Variants in ESR1 observed in about 807,000 individuals in gnomAD.
The protein encoded by ESR1 is estrogen receptor.
A neutral mutation model predicts 52.7 loss-of-function variants in ESR1; 12 were observed. That is an observed-to-expected ratio of 0.23 (90% CI 0.15 to 0.37). The LOEUF (loss-of-function observed/expected upper bound fraction) is 0.37. Ranked by LOEUF, ESR1 falls within the 10% of genes least tolerant of loss-of-function variation. The pLI, the probability that ESR1 is intolerant of heterozygous loss-of-function variation, is 1.00. For synonymous variants in ESR1, 305 were observed against 316.8 expected, an observed-to-expected ratio of 0.96 and a Z score of 0.39; for missense variants, 584 against 779.7, an observed-to-expected ratio of 0.75 and a Z score of 2.99.
intron 1 of ESR1, among the ~76,000 whole-genome samples, chr6:151,838,028 C>G (rs964471492): frequency 2.6e-5 from 4 of 152,088 alleles, no homozygotes; most frequent in African/African-American, 7.2e-5. Context: ...TAGACAGGCT[C>G]TCACTCTGTC....
Position 151,859,136 on chromosome 6 carries a change from AT to A in ESR1, c.643+16356del, listed in dbSNP as rs372347822. ...TTTTCCTTTTTCCTTTCTTTCCCTT[AT>A]TTTTTTCATGTCTTGTATGCAAGAT... On this transcript the variant is annotated intron_variant, in intron 2 of 7. Transcript: ENST00000206249. Among the ~76,000 whole-genome samples, 3 of 151,966 alleles carry A rather than the reference AT, an allele frequency of 2.0e-5. No individual in the cohort carries two copies. The East Asian group carries it at 5.8e-4, about 29-fold the overall frequency.
intron 5 of ESR1, among the ~76,000 whole-genome samples, chr6:152,027,030 G>A (rs1411955153): frequency 6.6e-6 from 1 of 151,000 alleles, no homozygotes; most frequent in Non-Finnish European, 1.5e-5. Context: ...GCAATGGCAC[G>A]ATCTCGGCTC....
At chr6:151,878,641 T>G (rs1002942446) in intron 2 of ESR1, among the ~76,000 whole-genome samples, 1 of 152,068 alleles carries the variant, frequency 6.6e-6, no homozygotes, top group African/African-American at 2.4e-5. Flanking sequence ...TGGAAAAAAA[T>G]AGAGACTTAA....
chr6:151,797,996 T>C (rs374417528), intron 2 of ESR1, among the ~76,000 whole-genome samples: 19 of 152,296 alleles, frequency 1.2e-4, no homozygotes, highest in African/African-American at 3.8e-4. Flanking sequence ...AATTAAGACC[T>C]TGAGCAAACT....
At chr6:151,782,837 A>G (rs980970560) in intron 2 of ESR1, among the ~76,000 whole-genome samples, 1 of 152,118 alleles carries the variant, frequency 6.6e-6, no homozygotes, top group Non-Finnish European at 1.5e-5. Flanking sequence ...TACACCTTCC[A>G]TTCCTCCGCC....
intron 3 of ESR1, among the ~76,000 whole-genome samples, chr6:151,891,096 T>C (rs1238190047): frequency 6.6e-6 from 1 of 152,250 alleles, no homozygotes; most frequent in Non-Finnish European, 1.5e-5. Context: ...AAAGATCTTA[T>C]AGTTATACCA....
At chr6:151,850,783 C>T (rs1416256569) in intron 2 of ESR1, among the ~76,000 whole-genome samples, 1 of 152,164 alleles carries the variant, frequency 6.6e-6, no homozygotes, top group Non-Finnish European at 1.5e-5. Context: ...TCTGACGTTT[C>T]CAGAGCTGTT....
At chr6:151,863,237 A>G (rs546475062) in intron 2 of ESR1, among the ~76,000 whole-genome samples, 2,560 of 152,194 alleles carry the variant, frequency 0.017, 73 homozygotes, top group African/African-American at 0.059. Flanking sequence ...CTTGGGCAGT[A>G]TGGCCATTTT....
At chr6:151,972,915 A>AG (rs748843646) in intron 4 of ESR1, among the ~76,000 whole-genome samples, 8 of 152,204 alleles carry the variant, frequency 5.3e-5, no homozygotes, top group Non-Finnish European at 1.0e-4. Flanking sequence ...CAGAAATTCG[A>AG]GGGCAGGAAG....
intron 1 of ESR1, among the ~76,000 whole-genome samples, chr6:151,666,494 C>T (rs1369245937): frequency 6.6e-6 from 1 of 152,158 alleles, no homozygotes; most frequent in African/African-American, 2.4e-5. Context: ...GGCCATTGGT[C>T]TCCTCTATCC....
chr6:151,836,535 A>C (rs546793915), intron 1 of ESR1, among the ~76,000 whole-genome samples: 1 of 152,200 alleles, frequency 6.6e-6, no homozygotes, highest in Non-Finnish European at 1.5e-5. Context: ...GGAAGCTACA[A>C]TTCAAGATAA....
At chr6:151,686,064 A>ATTTTTT (rs557270210), upstream of ESR1, among the ~76,000 whole-genome samples, 2,235 of 114,204 alleles carry the variant, frequency 0.02, 136 homozygotes, top group African/African-American at 0.087. Flanking sequence ...AATTAAAACA[A>ATTTTTT]TTTTTTTTTT....
intron 2 of ESR1, among the ~76,000 whole-genome samples, chr6:151,727,043 AG>A (rs1483465737): frequency 6.6e-6 from 1 of 152,218 alleles, no homozygotes; most frequent in African/African-American, 2.4e-5. Flanking sequence ...CTTGGCTAAC[AG>A]CAATTAAAAA....
chr6:151,695,255 T>G (rs1330775660), intron 1 of ESR1, among the ~76,000 whole-genome samples: 1 of 152,222 alleles, frequency 6.6e-6, no homozygotes, highest in East Asian at 1.9e-4. Flanking sequence ...TATTTAAAGC[T>G]GCCACCCACT....
In ESR1 at chr6:152,033,400, A is replaced by G. The variant is rs536110863; in HGVS notation, c.1235+21606A>G. On this transcript the variant is annotated intron_variant, in intron 5 of 7. Transcript: ENST00000206249. ...AATCTTTGCAATCTACTCATTTGAC[A>G]AAGGGCTAATATCCAGAATCTACAA... 1.7e-4 allele frequency among the ~76,000 whole-genome samples: 26 copies of G among 152,376 alleles called. No homozygotes were observed. In the South Asian group the frequency reaches 5.2e-3, roughly 30 times the overall value.
rs992017069 is a variant in ESR1, at chr6:151,880,764, G to A, written c.753G>A (p.Met251Ile). Residue 251 changes from methionine (M) to isoleucine (I), a missense_variant, in exon 3 of 8, where the codon ATG (methionine) becomes ATA (isoleucine). Transcript: ENST00000206249. ...GTAAATGCTACGAAGTGGGAATGAT[G>A]AAAGGTGGTAGGTACATCTCTCCCA... is the stretch of plus-strand genomic sequence containing the variant. ...RLRKCYEVGM[M>I]KGGIRKDRRG... 4 of 1,567,368 alleles carry A rather than the reference G, an allele frequency of 2.6e-6. No individual in the cohort carries two copies. Among genetic ancestry groups the A allele is most frequent in the Admixed American group, 3.3e-5 (2 of 59,990 alleles).
chr6:151,659,376 G>T (rs1355297072), intron 1 of ESR1, among the ~76,000 whole-genome samples: 1 of 152,120 alleles, frequency 6.6e-6, no homozygotes, highest in Non-Finnish European at 1.5e-5. Context: ...TTTCCTACTG[G>T]GAGTCAGCCA....
chr6:151,956,855 T>A (rs1482415444), intron 4 of ESR1, among the ~76,000 whole-genome samples: 3 of 81,394 alleles, frequency 3.7e-5, no homozygotes, highest in Admixed American at 2.5e-4. Flanking sequence ...TATATATATA[T>A]ATATATAAAT....
chr6:151,729,711 C>A (rs1447170071), intron 2 of ESR1, among the ~76,000 whole-genome samples: 2 of 152,074 alleles, frequency 1.3e-5, no homozygotes, highest in Non-Finnish European at 2.9e-5. Context: ...AACTGAAGCT[C>A]AGAGACATTA....
Sources: allele counts gnomAD v4.1 joint callset (sites outside exome capture counted in the v4.1 genomes callset), GRCh38; gene constraint gnomAD v4.1.1; transcripts MANE v1.5; gene names NCBI Gene and HGNC (gene_info 2026-07-23, HGNC 2026-07-21).